LSAMP: variants seen among roughly 807,000 people sequenced by gnomAD.
LSAMP encodes the protein limbic system-associated membrane protein.
Under a neutral mutation model 38.6 loss-of-function variants are expected in LSAMP, and 7 were observed. The observed-to-expected ratio is 0.18, with a 90% CI of 0.10 to 0.34. The LOEUF is 0.34. Ranked by LOEUF, LSAMP falls within the 10% of genes least tolerant of loss-of-function variation. LSAMP has a pLI of 1.00. For synonymous variants in LSAMP, 154 were observed against 166.8 expected, an observed-to-expected ratio of 0.92 and a Z score of 0.59; for missense variants, 313 against 420.0, an observed-to-expected ratio of 0.75 and a Z score of 2.23.
intron 3 of LSAMP, among the ~76,000 whole-genome samples, chr3:115,891,432 G>A (rs1232318808): frequency 6.6e-6 from 1 of 152,032 alleles, no homozygotes; most frequent in Non-Finnish European, 1.5e-5. Context: ...GCGAAGAGCT[G>A]AGCCACGTCA....
intron 3 of LSAMP, among the ~76,000 whole-genome samples, chr3:116,011,574 A>C (rs1940326344): frequency 6.6e-6 from 1 of 152,198 alleles, no homozygotes; most frequent in South Asian, 2.1e-4. Flanking sequence ...TAAGCAAAAA[A>C]AAAAATTAAC....
intron 1 of LSAMP, among the ~76,000 whole-genome samples, chr3:116,289,389 TC>T (rs1361784593): frequency 6.6e-6 from 1 of 152,236 alleles, no homozygotes; most frequent in African/African-American, 2.4e-5. Flanking sequence ...AACAGCAATT[TC>T]TACCTGTATT....
intron 1 of LSAMP, among the ~76,000 whole-genome samples, chr3:116,276,730 T>G (rs1576476975): frequency 1.4e-5 from 2 of 145,454 alleles, no homozygotes; most frequent in Non-Finnish European, 3.0e-5. Context: ...ATATTGAAGC[T>G]AAAAGATTGA....
intron 1 of LSAMP, among the ~76,000 whole-genome samples, chr3:116,245,357 T>G (rs1417022331): frequency 6.6e-6 from 1 of 152,192 alleles, no homozygotes; most frequent in East Asian, 1.9e-4. Context: ...GGCTGTCCTA[T>G]CAAACTAATA....
intron 1 of LSAMP, among the ~76,000 whole-genome samples, chr3:116,304,648 C>G (rs889450404): frequency 1.3e-5 from 2 of 152,098 alleles, no homozygotes; most frequent in Non-Finnish European, 2.9e-5. Context: ...GTATATTTGA[C>G]TTTCCAGGAA....
At chr3:116,430,069 A>G (rs1462086273) in intron 1 of LSAMP, among the ~76,000 whole-genome samples, 2 of 152,196 alleles carry the variant, frequency 1.3e-5, no homozygotes, top group African/African-American at 4.8e-5. Context: ...ATTTGACCTG[A>G]TTAATCTTAT....
chr3:116,289,193 C>A (rs2047230202), intron 1 of LSAMP, among the ~76,000 whole-genome samples: 2 of 152,144 alleles, frequency 1.3e-5, no homozygotes, highest in Admixed American at 1.3e-4. Flanking sequence ...TAAATCAAGA[C>A]TGGTATGTCT....
Position 115,953,601 on chromosome 3 carries a change from G to A in LSAMP, c.514+65914C>T, listed in dbSNP as rs186771656. Among the ~76,000 whole-genome samples the A allele has an allele frequency of 3.3e-5, 5 of 152,258 alleles. No individual in the cohort carries two copies. In the East Asian group the frequency reaches 9.7e-4, roughly 29 times the overall value. On this transcript the variant is annotated intron_variant, in intron 3 of 6. Transcript: ENST00000490035. ...GAGCAAAATGCTGGTGACCAGGAGA[G>A]TTGCTGCCATTAACGTGATCTGAAG...
intron 2 of LSAMP, among the ~76,000 whole-genome samples, chr3:116,029,794 A>G (rs540178505): frequency 1.3e-5 from 2 of 152,108 alleles, no homozygotes; most frequent in Non-Finnish European, 2.9e-5. Flanking sequence ...AGATGTAGCC[A>G]GCATTTTACT....
chr3:116,295,144 A>G (rs2047313976), intron 1 of LSAMP, among the ~76,000 whole-genome samples: 1 of 152,214 alleles, frequency 6.6e-6, no homozygotes, highest in African/African-American at 2.4e-5. Flanking sequence ...AGTTGAGAGA[A>G]AAAGAAAAAG....
chr3:116,378,600 C>T (rs557218000), intron 1 of LSAMP, among the ~76,000 whole-genome samples: 1 of 152,106 alleles, frequency 6.6e-6, no homozygotes, highest in African/African-American at 2.4e-5. Flanking sequence ...TGATGGTCTT[C>T]TATGTCTTGG....
intron 6 of LSAMP, 60 bp downstream of exon 6, chr3:115,841,785 T>G: frequency 6.5e-7 from 1 of 1,536,530 alleles, no homozygotes; most frequent in Non-Finnish European, 8.8e-7. Flanking sequence ...GGTTTTCACG[T>G]TTTTCATGTG....
chr3:115,979,619 T>C (rs1228940303), intron 3 of LSAMP, among the ~76,000 whole-genome samples: 3 of 152,076 alleles, frequency 2.0e-5, no homozygotes, highest in Non-Finnish European at 4.4e-5. Context: ...GAACATAGTT[T>C]CTTCATGTAA....
intron 3 of LSAMP, among the ~76,000 whole-genome samples, chr3:115,855,704 C>T (rs947634401): frequency 2.6e-5 from 4 of 152,154 alleles, no homozygotes; most frequent in African/African-American, 4.8e-5. Flanking sequence ...CCGGTGTGTC[C>T]GTCCTCATGA....
At chr3:116,221,594 C>A (rs1462278243) in intron 1 of LSAMP, among the ~76,000 whole-genome samples, 9 of 152,148 alleles carry the variant, frequency 5.9e-5, no homozygotes, top group Non-Finnish European at 1.2e-4. Context: ...ACAGAAAAAT[C>A]TAGAAAAGTC....
chr3:116,044,343 T>C (rs1941244591), intron 2 of LSAMP, among the ~76,000 whole-genome samples: 1 of 152,216 alleles, frequency 6.6e-6, no homozygotes. Context: ...TTTGTTTGTT[T>C]GTGTAATTCT....
At chr3:116,311,961 A>G (rs2047563121) in intron 1 of LSAMP, among the ~76,000 whole-genome samples, 1 of 152,238 alleles carries the variant, frequency 6.6e-6, no homozygotes, top group Non-Finnish European at 1.5e-5. Context: ...TGCCTATATG[A>G]GGAGAAAATA....
At chr3:115,878,903 G>T in intron 3 of LSAMP, among the ~76,000 whole-genome samples, 1 of 152,090 alleles carries the variant, frequency 6.6e-6, no homozygotes, top group East Asian at 1.9e-4. Context: ...GATTAGTTTT[G>T]GTGAATTATG....
chr3:116,250,417 C>T (rs2046665247), intron 1 of LSAMP, among the ~76,000 whole-genome samples: 1 of 152,130 alleles, frequency 6.6e-6, no homozygotes, highest in African/African-American at 2.4e-5. Context: ...TTTATCTTGA[C>T]TTTAATTCAC....
Sources: gnomAD v4.1 joint callset for allele counts (sites outside exome capture counted in the v4.1 genomes callset) on GRCh38, gnomAD v4.1.1 for gene constraint, MANE v1.5 for transcripts, NCBI Gene and HGNC (gene_info 2026-07-23, HGNC 2026-07-21) for gene names.